The following CADPS variants were observed in gnomAD, a reference collection of about 807,000 sequenced individuals.
CADPS encodes calcium dependent secretion activator, also known as calcium-dependent secretion activator 1.
CADPS carries 57 observed loss-of-function variants against 167.3 expected under a neutral mutation model. The ratio of observed to expected loss-of-function variants is 0.34; its 90% CI spans 0.28 to 0.42. The LOEUF (loss-of-function observed/expected upper bound fraction) is 0.42, where lower values mean the gene tolerates loss of function less well. Ranked by LOEUF, CADPS falls within the 20% of genes least tolerant of loss-of-function variation. The pLI, the probability that CADPS is intolerant of heterozygous loss-of-function variation, is 1.00. For missense variants in CADPS, 1,414 were observed against 1,738.1 expected (o/e 0.81, Z 3.32); for synonymous variants, 676 against 635.3 (o/e 1.06, Z -0.96).
At chr3:62,751,672 T>G (rs1314403589) in intron 3 of CADPS, among the ~76,000 whole-genome samples, 1 of 152,122 alleles carries the variant, frequency 6.6e-6, no homozygotes, top group Non-Finnish European at 1.5e-5. Context: ...CCACCCGTCT[T>G]AGCCTCCCAA....
chr3:62,403,000 G>T, intron 29 of CADPS, 81 bp downstream of exon 29: 1 of 855,998 alleles, frequency 1.2e-6, no homozygotes, highest in Non-Finnish European at 1.9e-6. Context: ...TATTCTTTGT[G>T]TTAAGCAAGC....
chr3:62,868,305 G>A (rs1009434501), intron 1 of CADPS, among the ~76,000 whole-genome samples: 3 of 152,006 alleles, frequency 2.0e-5, no homozygotes, highest in Non-Finnish European at 4.4e-5. Flanking sequence ...GATGGTGTTG[G>A]CAAGAACCAG....
At chr3:62,775,152 T>C (rs559158674) in intron 1 of CADPS, among the ~76,000 whole-genome samples, 2 of 152,086 alleles carry the variant, frequency 1.3e-5, no homozygotes, top group South Asian at 2.1e-4. Flanking sequence ...ATTCTCATAC[T>C]TTAGCCTCCC....
intron 3 of CADPS, among the ~76,000 whole-genome samples, chr3:62,672,698 A>G (rs1195700276): frequency 6.6e-6 from 1 of 152,136 alleles, no homozygotes; most frequent in East Asian, 1.9e-4. Flanking sequence ...ATCATAGCTC[A>G]CTGCAGCCTT....
chr3:62,566,428 G>A (rs2367092), intron 9 of CADPS, among the ~76,000 whole-genome samples: 132,969 of 151,878 alleles, frequency 0.88, 59,905 homozygotes, highest in Non-Finnish European at 0.97. Context: ...CTTTCCTTCA[G>A]CAACCTGAGA....
At chr3:62,483,753 C>T (rs2062377387) in intron 21 of CADPS, among the ~76,000 whole-genome samples, 1 of 152,054 alleles carries the variant, frequency 6.6e-6, no homozygotes, top group Admixed American at 6.6e-5. Flanking sequence ...TGAATTCAGT[C>T]CCTGGTGGCT....
At chr3:62,400,514 A>G (rs756636064) in intron 29 of CADPS, among the ~76,000 whole-genome samples, 10 of 150,080 alleles carry the variant, frequency 6.7e-5, no homozygotes, top group Admixed American at 2.7e-4. Flanking sequence ...TGTTTCTCCT[A>G]TTGATATAGG....
At chr3:62,652,077 TCA>T (rs2070299975) in intron 4 of CADPS, among the ~76,000 whole-genome samples, 1 of 152,136 alleles carries the variant, frequency 6.6e-6, no homozygotes, top group African/African-American at 2.4e-5. Flanking sequence ...GGCTTCATGC[TCA>T]GTTTGGCTCC....
chr3:62,715,373 C>CTATCTAT (rs1554105668), intron 3 of CADPS, among the ~76,000 whole-genome samples: 21,728 of 134,470 alleles, frequency 0.16, 1,766 homozygotes, highest in East Asian at 0.22. Flanking sequence ...TATCTATCTA[C>CTATCTAT]CTATCTATCT....
chr3:62,795,860 T>A (rs1467059508), intron 1 of CADPS, among the ~76,000 whole-genome samples: 2 of 152,110 alleles, frequency 1.3e-5, no homozygotes, highest in Non-Finnish European at 2.9e-5. Flanking sequence ...GAAGGATCAA[T>A]GGGAGGTAAC....
intron 1 of CADPS, among the ~76,000 whole-genome samples, chr3:62,814,029 A>G (rs1277049942): frequency 6.6e-6 from 1 of 152,184 alleles, no homozygotes; most frequent in Admixed American, 6.6e-5. Flanking sequence ...CTAAATGTAT[A>G]TTAATGATAC....
intron 28 of CADPS, among the ~76,000 whole-genome samples, chr3:62,419,491 G>A (rs773887749): frequency 3.3e-5 from 5 of 152,094 alleles, no homozygotes; most frequent in Non-Finnish European, 5.9e-5. Context: ...ATCTTTTAAA[G>A]CTTGATTATG....
intron 16 of CADPS, 107 bp from the exon 17 acceptor site, chr3:62,512,875 C>A: frequency 2.4e-6 from 2 of 845,006 alleles, no homozygotes; most frequent in South Asian, 2.5e-5. Context: ...ATGTGTGATA[C>A]ATGATATTGG....
At chr3:62,467,842 T>A (rs2060124136) in intron 24 of CADPS, among the ~76,000 whole-genome samples, 1 of 152,082 alleles carries the variant, frequency 6.6e-6, no homozygotes, top group Non-Finnish European at 1.5e-5. Context: ...TAAGTCTCTG[T>A]TTGGGAGATC....
chr3:62,587,024 G>A (rs1236281), intron 7 of CADPS, among the ~76,000 whole-genome samples: 124,387 of 152,136 alleles, frequency 0.82, 50,929 homozygotes, highest in Middle Eastern at 0.85. Context: ...CAATAATTTC[G>A]TCATGTCTTG....
intron 2 of CADPS, among the ~76,000 whole-genome samples, chr3:62,759,058 A>G (rs193263715): frequency 1.3e-5 from 2 of 152,348 alleles, no homozygotes; most frequent in Admixed American, 1.3e-4. Context: ...CCTCGTTGCT[A>G]TTAATAAATG....
intron 26 of CADPS, among the ~76,000 whole-genome samples, chr3:62,464,585 T>C (rs952053514): frequency 1.3e-5 from 2 of 152,176 alleles, no homozygotes; most frequent in Non-Finnish European, 2.9e-5. Flanking sequence ...TCATTGATCA[T>C]TTATCCATAG....
At chr3:62,699,087 C>T (rs1021369667) in intron 3 of CADPS, among the ~76,000 whole-genome samples, 3 of 151,924 alleles carry the variant, frequency 2.0e-5, no homozygotes, top group Admixed American at 1.3e-4. Context: ...TACACTGTAC[C>T]GGATGTGTAG....
intron 1 of CADPS, among the ~76,000 whole-genome samples, chr3:62,792,709 C>T (rs1458633051): frequency 6.6e-6 from 1 of 152,120 alleles, no homozygotes; most frequent in Non-Finnish European, 1.5e-5. Context: ...AATCCCCCTG[C>T]ATTAGCTTCC....
Sources: gnomAD v4.1 joint callset for allele counts (sites outside exome capture counted in the v4.1 genomes callset) on GRCh38, gnomAD v4.1.1 for gene constraint, MANE v1.5 for transcripts, NCBI Gene and HGNC (gene_info 2026-07-23, HGNC 2026-07-21) for gene names.